Variants in AGBL4 observed in about 807,000 individuals in gnomAD.
AGBL4 encodes the protein AGBL carboxypeptidase 4.
A neutral mutation model predicts 66.4 loss-of-function variants in AGBL4; 58 were observed. The ratio of observed to expected loss-of-function variants is 0.87; its 90% CI spans 0.71 to 1.09. The LOEUF is 1.09. Among genes scored for constraint, AGBL4 ranks in the 50% least tolerant of loss-of-function variants. The probability of loss-of-function intolerance (pLI) is 0.00; values close to 1 mark genes in which losing one functional copy is unlikely to be tolerated. For synonymous variants in AGBL4, 234 were observed against 222.9 expected (o/e 1.05, Z -0.44); for missense variants, 579 against 631.0 (o/e 0.92, Z 0.88).
chr1:48,678,072 G>A (rs1311114402), intron 6 of AGBL4, among the ~76,000 whole-genome samples: 1 of 152,128 alleles, frequency 6.6e-6, no homozygotes, highest in Non-Finnish European at 1.5e-5. Context: ...GAAGTACCTC[G>A]GGAGCTCTGA....
At chr1:48,767,624 A>C (rs1342266494) in intron 6 of AGBL4, among the ~76,000 whole-genome samples, 2 of 152,190 alleles carry the variant, frequency 1.3e-5, no homozygotes, top group Non-Finnish European at 2.9e-5. Context: ...ACTTTGGGAT[A>C]TGCTTCTGGC....
intron 2 of AGBL4, among the ~76,000 whole-genome samples, chr1:49,708,616 T>G (rs1013782305): frequency 1.3e-5 from 2 of 152,164 alleles, no homozygotes; most frequent in Admixed American, 6.5e-5. Context: ...GTTGTGATCC[T>G]TTGGAGGAGA....
chr1:48,695,352 T>A (rs1646698389), intron 6 of AGBL4, among the ~76,000 whole-genome samples: 2 of 152,172 alleles, frequency 1.3e-5, no homozygotes, highest in Non-Finnish European at 2.9e-5. Context: ...AAGCTGATGT[T>A]TTCAATTTAG....
rs543457027 is a variant in AGBL4, at chr1:48,877,466, A to G, written c.595-10236T>C. Among the ~76,000 whole-genome samples the G allele has an allele frequency of 4.6e-5, 7 of 152,286 alleles. No individual in the cohort carries two copies. The South Asian group carries it at 1.5e-3, about 32-fold the overall frequency. On this transcript the variant is annotated intron_variant, in intron 5 of 13. Coordinates refer to ENST00000371839, the MANE Select transcript of AGBL4 (RefSeq NM_032785.4). ...TGCTTGACATAGTCTTAAGACTATC[A>G]GGAAATCTCTCTGAAACACCACATT...
chr1:49,384,633 A>C (rs1644697317), intron 3 of AGBL4, among the ~76,000 whole-genome samples: 1 of 152,044 alleles, frequency 6.6e-6, no homozygotes, highest in Non-Finnish European at 1.5e-5. Flanking sequence ...ACAAAAGCCA[A>C]CAGGCATATG....
intron 3 of AGBL4, among the ~76,000 whole-genome samples, chr1:49,489,670 T>C (rs1224856815): frequency 6.6e-6 from 1 of 151,868 alleles, no homozygotes; most frequent in Non-Finnish European, 1.5e-5. Flanking sequence ...AGTTTGAATC[T>C]TAGCTTTAAA....
intron 3 of AGBL4, among the ~76,000 whole-genome samples, chr1:49,517,830 TA>T (rs1286606395): frequency 9.9e-5 from 15 of 152,060 alleles, no homozygotes; most frequent in African/African-American, 3.4e-4. Context: ...TGTACTATTT[TA>T]AAAGGTAAAT....
intron 5 of AGBL4, among the ~76,000 whole-genome samples, chr1:48,893,346 C>A (rs973016715): frequency 3.3e-5 from 5 of 151,966 alleles, no homozygotes; most frequent in Admixed American, 3.3e-4. Flanking sequence ...GTAATGAGGT[C>A]ATGAGGGTGG....
At chr1:49,542,397 C>T (rs904267849) in intron 3 of AGBL4, among the ~76,000 whole-genome samples, 6 of 152,284 alleles carry the variant, frequency 3.9e-5, no homozygotes, top group African/African-American at 9.6e-5. Flanking sequence ...AGCGAGACCA[C>T]GAACTCACCA....
chr1:49,646,981 C>A (rs1375149469), intron 3 of AGBL4, among the ~76,000 whole-genome samples: 4 of 150,338 alleles, frequency 2.7e-5, no homozygotes, highest in Admixed American at 6.6e-5. Flanking sequence ...AAAAAAAAAT[C>A]AAAAAATACA....
chr1:48,968,244 A>G (rs769538315), intron 5 of AGBL4, among the ~76,000 whole-genome samples: 1 of 152,138 alleles, frequency 6.6e-6, no homozygotes, highest in Non-Finnish European at 1.5e-5. Flanking sequence ...AATAGTAGGC[A>G]ATAAACAAAG....
chr1:49,066,119 G>A (rs1348800971), intron 4 of AGBL4, among the ~76,000 whole-genome samples: 1 of 152,184 alleles, frequency 6.6e-6, no homozygotes, highest in African/African-American at 2.4e-5. Flanking sequence ...ACAAATGGAA[G>A]GAGAGAGGCC....
intron 5 of AGBL4, among the ~76,000 whole-genome samples, chr1:48,974,107 G>A (rs1659125409): frequency 6.6e-6 from 1 of 152,106 alleles, no homozygotes. Context: ...ATTGCAGTCA[G>A]ATATGATGTA....
chr1:49,380,503 T>A (rs1252613165), intron 3 of AGBL4, among the ~76,000 whole-genome samples: 1 of 152,006 alleles, frequency 6.6e-6, no homozygotes, highest in African/African-American at 2.4e-5. Context: ...ACTTTAAAGT[T>A]CATATGGAAC....
chr1:49,288,434 C>T (rs926351165), intron 3 of AGBL4, among the ~76,000 whole-genome samples: 2 of 151,564 alleles, frequency 1.3e-5, no homozygotes, highest in Admixed American at 6.6e-5. Context: ...AGAGCATTTG[C>T]TGAATCTGGT....
chr1:48,846,750 G>A (rs963184453), intron 6 of AGBL4, among the ~76,000 whole-genome samples: 2 of 152,080 alleles, frequency 1.3e-5, no homozygotes, highest in African/African-American at 4.8e-5. Flanking sequence ...ATGAATCCAG[G>A]CTCAGCAGGA....
intron 1 of AGBL4, among the ~76,000 whole-genome samples, chr1:49,870,429 TAA>T (rs1431590917): frequency 7.2e-5 from 11 of 151,762 alleles, no homozygotes; most frequent in Admixed American, 2.0e-4. Flanking sequence ...TTTAAATAAC[TAA>T]AAGAGTATAA....
At position 49,733,742 on chromosome 1, in the gene AGBL4, A is replaced by G. The variant is rs890467114; in HGVS notation, c.158-36305T>C. On this transcript the variant is annotated intron_variant, in intron 2 of 13. Coordinates refer to ENST00000371839, the MANE Select transcript of AGBL4 (RefSeq NM_032785.4). ...CTATTTTTAAAAAGCCTGTAGAAGT[A>G]TAGTCTCACTGTTCTGCTTTTCTGC... 3.9e-5 allele frequency among the ~76,000 whole-genome samples: 6 copies of G among 152,320 alleles called. No individual in the cohort carries two copies. In the South Asian group the frequency reaches 6.2e-4, roughly 16 times the overall value.
At chr1:48,790,248 T>C (rs775379181) in intron 6 of AGBL4, among the ~76,000 whole-genome samples, 3 of 152,178 alleles carry the variant, frequency 2.0e-5, no homozygotes, top group Non-Finnish European at 2.9e-5. Flanking sequence ...TTCTCTTTGG[T>C]ATCAAGAAAA....
Sources: allele counts gnomAD v4.1 joint callset (sites outside exome capture counted in the v4.1 genomes callset), GRCh38; gene constraint gnomAD v4.1.1; transcripts MANE v1.5; gene names NCBI Gene and HGNC (gene_info 2026-07-23, HGNC 2026-07-21).